The following NSD1 variants were observed in gnomAD, a reference collection of about 807,000 sequenced individuals.
The protein encoded by NSD1 is histone-lysine N-methyltransferase, H3 lysine-36 specific.
Under a neutral mutation model 242.7 loss-of-function variants are expected in NSD1, and 26 were observed. The observed-to-expected ratio is 0.11, with a 90% CI of 0.08 to 0.15. NSD1 has a LOEUF of 0.15. NSD1 is among the 10% of genes least tolerant of loss of function. The pLI is 1.00. For missense variants in NSD1, 2,495 were observed against 3,272.8 expected (o/e 0.76, Z 5.80); for synonymous variants, 1,106 against 1,178.1 (o/e 0.94, Z 1.25).
At chr5:177,276,572 C>T (rs911848793) in intron 17 of NSD1, among the ~76,000 whole-genome samples, 16 of 152,102 alleles carry the variant, frequency 1.1e-4, no homozygotes, top group Admixed American at 5.9e-4. Context: ...GTGATCTGCC[C>T]GCCTCGGTCT....
chr5:177,213,156 A>G (rs956279565), intron 5 of NSD1, among the ~76,000 whole-genome samples: 15 of 152,356 alleles, frequency 9.8e-5, no homozygotes, highest in Non-Finnish European at 2.1e-4. Flanking sequence ...ATCTTTCAAG[A>G]TACTAACATT....
intron 2 of NSD1, among the ~76,000 whole-genome samples, chr5:177,155,938 C>T (rs912940231): frequency 6.6e-6 from 1 of 151,902 alleles, no homozygotes; most frequent in African/African-American, 2.4e-5. Flanking sequence ...CTCCTGACCT[C>T]AGGTGATATG....
At chr5:177,170,263 C>T (rs1294622751) in intron 2 of NSD1, among the ~76,000 whole-genome samples, 17 of 152,018 alleles carry the variant, frequency 1.1e-4, no homozygotes, top group East Asian at 1.9e-4. Flanking sequence ...TGAGCCACCG[C>T]GCCCAGCTGT....
chr5:177,247,493 G>C (rs954442470), intron 10 of NSD1, among the ~76,000 whole-genome samples: 2 of 151,526 alleles, frequency 1.3e-5, no homozygotes, highest in Non-Finnish European at 2.9e-5. Context: ...TTGGGAGGCT[G>C]AGGTGGGAGG....
At chr5:177,150,783 ATC>A (rs894314564) in intron 2 of NSD1, among the ~76,000 whole-genome samples, 2 of 152,132 alleles carry the variant, frequency 1.3e-5, no homozygotes, top group African/African-American at 4.8e-5. Flanking sequence ...TTCCTGTGTT[ATC>A]TCTGATTTCT....
intron 16 of NSD1, 144 bp from the exon 17 acceptor site, chr5:177,273,528 T>G (rs1758113923): frequency 1.5e-6 from 1 of 665,164 alleles, no homozygotes; most frequent in Admixed American, 2.3e-5. Context: ...CTGTTATGTG[T>G]TTTCTTTTTC....
At chr5:177,250,577 T>TTA (rs1349668111) in intron 11 of NSD1, among the ~76,000 whole-genome samples, 19 of 151,718 alleles carry the variant, frequency 1.3e-4, no homozygotes, top group Admixed American at 7.2e-4. Flanking sequence ...TTTTTTTTTT[T>TTA]ACCATATATA....
chr5:177,174,720 G>A (rs1384590851), intron 2 of NSD1, among the ~76,000 whole-genome samples: 3 of 150,020 alleles, frequency 2.0e-5, no homozygotes, highest in Admixed American at 1.3e-4. Flanking sequence ...TACAACGCCC[G>A]GCTAATTTTT....
intron 18 of NSD1, among the ~76,000 whole-genome samples, chr5:177,281,877 T>A (rs1333977887): frequency 6.6e-6 from 1 of 152,154 alleles, no homozygotes; most frequent in Non-Finnish European, 1.5e-5. Flanking sequence ...GGACTTAAAC[T>A]CCTGGGCTCA....
rs538768245 is a variant in NSD1, at chr5:177,200,195, GTTC to G, written c.1064-3920_1064-3918del. Among the ~76,000 whole-genome samples, 17 of 152,064 alleles carry G rather than the reference GTTC, an allele frequency of 1.1e-4. No individual in the cohort carries two copies. In the South Asian group the frequency reaches 3.1e-3, roughly 28 times the overall value. On this transcript the variant is annotated intron_variant, in intron 3 of 22. Transcript: ENST00000439151. ...AACCTCTGCCTCCTGGGTTCAAGCAGTTCTTCTGCCTCAGCCTCCTGAGTAGCT... is the reference window on the plus strand; with the variant it reads ...AACCTCTGCCTCCTGGGTTCAAGCAGTTCTGCCTCAGCCTCCTGAGTAGCT...
At chr5:177,140,768 TG>T (rs1196802148) in intron 2 of NSD1, among the ~76,000 whole-genome samples, 1 of 152,050 alleles carries the variant, frequency 6.6e-6, no homozygotes, top group Non-Finnish European at 1.5e-5. Flanking sequence ...GGCAGCTTTT[TG>T]GGGGCTACCT....
chr5:177,141,512 G>T (rs892741974), intron 2 of NSD1, among the ~76,000 whole-genome samples: 1 of 149,110 alleles, frequency 6.7e-6, no homozygotes, highest in East Asian at 2.0e-4. Context: ...TGTATTTTTA[G>T]CAGAGAGAGG....
chr5:177,166,412 G>A (rs1056501327), intron 2 of NSD1, among the ~76,000 whole-genome samples: 3 of 151,934 alleles, frequency 2.0e-5, no homozygotes, highest in African/African-American at 7.3e-5. Context: ...GCCAAGTGTG[G>A]TGGCATGCAC....
intron 2 of NSD1, among the ~76,000 whole-genome samples, chr5:177,145,277 C>T (rs2149769135): frequency 6.7e-6 from 1 of 148,738 alleles, no homozygotes. Context: ...TAACATGTAA[C>T]AAGATTTTTT....
intron 20 of NSD1, 34 bp from the exon 21 acceptor site, chr5:177,288,785 A>G (rs1759544429): frequency 7.1e-7 from 1 of 1,400,860 alleles, no homozygotes; most frequent in South Asian, 1.2e-5. Flanking sequence ...AATTAAAACC[A>G]TAGATATTAA....
At chr5:177,241,185 A>C (rs1475442337) in intron 8 of NSD1, among the ~76,000 whole-genome samples, 2 of 151,990 alleles carry the variant, frequency 1.3e-5, no homozygotes, top group African/African-American at 4.8e-5. Context: ...CAGTTGTTTC[A>C]GCACCATTTA....
At chr5:177,207,535 G>A (rs1215947193) in intron 4 of NSD1, among the ~76,000 whole-genome samples, 2 of 147,736 alleles carry the variant, frequency 1.4e-5, no homozygotes, top group African/African-American at 2.5e-5. Context: ...GCCCACCTCA[G>A]CCTCCCAAAG....
chr5:177,244,560 A>G (rs1766131249), intron 9 of NSD1, among the ~76,000 whole-genome samples: 1 of 152,216 alleles, frequency 6.6e-6, no homozygotes, highest in Non-Finnish European at 1.5e-5. Flanking sequence ...AAGATGAACA[A>G]GGTAGCAAGG....
intron 11 of NSD1, among the ~76,000 whole-genome samples, chr5:177,249,196 A>G (rs977358670): frequency 3.9e-5 from 6 of 152,158 alleles, no homozygotes; most frequent in African/African-American, 1.2e-4. Context: ...AAGTTAGGCA[A>G]TGCGCAGTGG....
Sources: allele counts gnomAD v4.1 joint callset (sites outside exome capture counted in the v4.1 genomes callset), GRCh38; gene constraint gnomAD v4.1.1; transcripts MANE v1.5; gene names NCBI Gene and HGNC (gene_info 2026-07-23, HGNC 2026-07-21).